The following PPP1R16B variants were observed in gnomAD, a reference collection of about 807,000 sequenced individuals.
PPP1R16B encodes the protein protein phosphatase 1 regulatory inhibitor subunit 16B.
A neutral mutation model predicts 61.7 loss-of-function variants in PPP1R16B; 14 were observed. The observed-to-expected ratio is 0.23, with a 90% CI of 0.15 to 0.35. The LOEUF is 0.35. Ranked by LOEUF, PPP1R16B falls within the 10% of genes least tolerant of loss-of-function variation. The pLI is 1.00. For synonymous variants in PPP1R16B, 266 were observed against 305.3 expected, an observed-to-expected ratio of 0.87 and a Z score of 1.34; for missense variants, 547 against 752.5, an observed-to-expected ratio of 0.73 and a Z score of 3.19.
chr20:38,813,651 G>A (rs549856639), intron 1 of PPP1R16B, among the ~76,000 whole-genome samples: 1 of 152,132 alleles, frequency 6.6e-6, no homozygotes, highest in Non-Finnish European at 1.5e-5. Flanking sequence ...AGAGGGACGG[G>A]CACCTTTTTC....
intron 4 of PPP1R16B, among the ~76,000 whole-genome samples, chr20:38,897,060 CG>C (rs1235208445): frequency 6.6e-6 from 1 of 152,182 alleles, no homozygotes; most frequent in Non-Finnish European, 1.5e-5. Context: ...GCAGGAGAAT[CG>C]CTTGAACCCA....
At chr20:38,916,698 GAAGA>G (rs988919370) in intron 10 of PPP1R16B, among the ~76,000 whole-genome samples, 1 of 151,470 alleles carries the variant, frequency 6.6e-6, no homozygotes, top group Admixed American at 6.6e-5. Context: ...GCTGGGGAGA[GAAGA>G]AAGGAAAAAA....
intron 1 of PPP1R16B, among the ~76,000 whole-genome samples, chr20:38,812,246 A>T (rs1322051781): frequency 6.6e-6 from 1 of 152,154 alleles, no homozygotes; most frequent in East Asian, 1.9e-4. Context: ...TAGATACAGG[A>T]CCCGTCTTTA....
intron 6 of PPP1R16B, 54 bp downstream of exon 6, chr20:38,902,846 A>G: frequency 6.2e-7 from 1 of 1,611,494 alleles, no homozygotes; most frequent in Non-Finnish European, 8.5e-7. Flanking sequence ...GAAGTGGGCC[A>G]GCACCTGGTG....
intron 1 of PPP1R16B, among the ~76,000 whole-genome samples, chr20:38,833,916 G>A (rs2084853086): frequency 1.3e-5 from 2 of 152,204 alleles, no homozygotes; most frequent in South Asian, 4.1e-4. Flanking sequence ...TTTTGGAGGG[G>A]CGGGTGACGC....
chr20:38,859,250 A>T (rs1434966797), intron 2 of PPP1R16B, among the ~76,000 whole-genome samples: 1 of 149,654 alleles, frequency 6.7e-6, no homozygotes, highest in Non-Finnish European at 1.5e-5. Flanking sequence ...TGCTTACTTC[A>T]GCCTGTGGGT....
At chr20:38,867,126 G>C (rs1291718027) in intron 2 of PPP1R16B, among the ~76,000 whole-genome samples, 1 of 152,182 alleles carries the variant, frequency 6.6e-6, no homozygotes, top group Non-Finnish European at 1.5e-5. Context: ...TGTGTGGATA[G>C]ACCCCCTGTC....
chr20:38,856,324 TACCCTG>T (rs1034978981), intron 2 of PPP1R16B, among the ~76,000 whole-genome samples: 3 of 152,134 alleles, frequency 2.0e-5, no homozygotes, highest in African/African-American at 4.8e-5. Context: ...GGGTAGAGGC[TACCCTG>T]ACCTGTTCCA....
intron 2 of PPP1R16B, among the ~76,000 whole-genome samples, chr20:38,851,436 GC>G (rs1021133700): frequency 6.4e-4 from 98 of 152,004 alleles, no homozygotes; most frequent in African/African-American, 2.3e-3. Context: ...TTGCACTCCA[GC>G]CTGGGTGACA....
intron 2 of PPP1R16B, among the ~76,000 whole-genome samples, chr20:38,856,324 T>A (rs1003783727): frequency 5.3e-5 from 8 of 152,134 alleles, no homozygotes; most frequent in African/African-American, 1.9e-4. Context: ...GGGTAGAGGC[T>A]ACCCTGACCT....
At chr20:38,914,535 A>T (rs918067226) in intron 10 of PPP1R16B, among the ~76,000 whole-genome samples, 3 of 152,226 alleles carry the variant, frequency 2.0e-5, no homozygotes, top group Non-Finnish European at 4.4e-5. Flanking sequence ...CATTAGGCAG[A>T]TAAGTACATT....
rs1386617300 is a variant in PPP1R16B, at chr20:38,842,366, A to T, written c.250+6191A>T. ...CCAGATATAACTTCTTTCTAGGGCCACAATAGCCCAGCCTCCCTTGAAACC... is the reference window on the plus strand; with the variant it reads ...CCAGATATAACTTCTTTCTAGGGCCTCAATAGCCCAGCCTCCCTTGAAACC... On this transcript the variant is annotated intron_variant, in intron 2 of 10. Transcript: ENST00000299824. 2.0e-5 allele frequency among the ~76,000 whole-genome samples: 3 copies of T among 152,206 alleles called. No homozygotes were observed. The East Asian group carries it at 5.8e-4, about 29-fold the overall frequency.
At chr20:38,813,993 C>T (rs1248604517) in intron 1 of PPP1R16B, among the ~76,000 whole-genome samples, 1 of 151,948 alleles carries the variant, frequency 6.6e-6, no homozygotes, top group Non-Finnish European at 1.5e-5. Context: ...GAAGGGGTTT[C>T]ACCATGTTGG....
At chr20:38,863,742 G>T (rs893365488) in intron 2 of PPP1R16B, among the ~76,000 whole-genome samples, 2 of 152,188 alleles carry the variant, frequency 1.3e-5, no homozygotes, top group Non-Finnish European at 2.9e-5. Flanking sequence ...CTCAATAGAG[G>T]TTAATTCCCA....
Position 38,918,792 on chromosome 20 carries a change from T to A in PPP1R16B, c.*126T>A. On this transcript the variant is annotated 3_prime_UTR_variant, in exon 11 of 11. Transcript: ENST00000299824. This position sits in a 1 kb window ranked among gnomAD's most constrained non-coding sequence, Gnocchi z 5.3. Reference sequence around the variant, plus strand: ...GGTGGGCTCTGCTTTTCAGAGGAACTCAGACCCCAGCCCTCAGCTGGCTGC... The same window carrying A: ...GGTGGGCTCTGCTTTTCAGAGGAACACAGACCCCAGCCCTCAGCTGGCTGC... 8.5e-7 allele frequency: 1 copy of A among 1,180,908 alleles called. No individual in the cohort carries two copies. Among genetic ancestry groups the A allele is most frequent in the Non-Finnish European group, 1.1e-6 (1 of 897,276 alleles). 73.2% of individuals were successfully genotyped at this position (1,180,908 alleles called of 1,614,324 possible).
chr20:38,916,948 G>A (rs1005725543), intron 10 of PPP1R16B, among the ~76,000 whole-genome samples: 3 of 151,988 alleles, frequency 2.0e-5, no homozygotes, highest in Admixed American at 2.0e-4. Context: ...TTTTGCTGTG[G>A]GCTACATATT....
chr20:38,810,218 G>C (rs1023446744), intron 1 of PPP1R16B, among the ~76,000 whole-genome samples: 1 of 152,232 alleles, frequency 6.6e-6, no homozygotes, highest in African/African-American at 2.4e-5. Flanking sequence ...AGGCTTAAAA[G>C]TGCTGGATGT....
chr20:38,860,492 A>G (rs182132701), intron 2 of PPP1R16B, among the ~76,000 whole-genome samples: 83 of 152,362 alleles, frequency 5.4e-4, no homozygotes, highest in African/African-American at 1.9e-3. Flanking sequence ...CATGGCTCGT[A>G]GTCACCACAT....
At chr20:38,868,598 G>A (rs1302011082) in intron 2 of PPP1R16B, among the ~76,000 whole-genome samples, 1 of 152,134 alleles carries the variant, frequency 6.6e-6, no homozygotes, top group African/African-American at 2.4e-5. Context: ...GGTCAGGCTG[G>A]TCTTGAACTC....
Sources: gnomAD v4.1 joint callset for allele counts (sites outside exome capture counted in the v4.1 genomes callset) on GRCh38, gnomAD v4.1.1 for gene constraint, Gnocchi (gnomAD v3.1) non-coding constraint, MANE v1.5 for transcripts, NCBI Gene and HGNC (gene_info 2026-07-23, HGNC 2026-07-21) for gene names.